TPCN1: variants seen among roughly 807,000 people sequenced by gnomAD.
TPCN1 encodes two pore segment channel 1.
Under a neutral mutation model 108.8 loss-of-function variants are expected in TPCN1, and 52 were observed. The observed-to-expected ratio is 0.48, with a 90% CI of 0.38 to 0.60. The LOEUF is 0.60. Among genes scored for constraint, TPCN1 ranks in the 20% least tolerant of loss-of-function variants. TPCN1 has a pLI of 0.00. For synonymous variants in TPCN1, 446 were observed against 433.7 expected (o/e 1.03, Z -0.35); for missense variants, 806 against 1,072.8 (o/e 0.75, Z 3.47).
intron 2 of TPCN1, chr12:113,246,105 T>G (rs1954372064): frequency 2.2e-6 from 1 of 446,982 alleles, no homozygotes. Flanking sequence ...CCGGGATGTC[T>G]CTCCTGCTTC....
At chr12:113,295,934 A>T (rs1956411223) in intron 27 of TPCN1, 26 bp from the exon 28 acceptor site, 1 of 1,557,572 alleles carries the variant, frequency 6.4e-7, no homozygotes, top group Admixed American at 1.9e-5. Context: ...TGCAGCCCTC[A>T]GCACCCCTTC....
chr12:113,223,148 G>C (rs1000251422), intron 1 of TPCN1, among the ~76,000 whole-genome samples: 3 of 151,490 alleles, frequency 2.0e-5, no homozygotes, highest in African/African-American at 7.3e-5. Context: ...GGAAACTTAA[G>C]AAAAAAAAAC....
At chr12:113,235,507 TA>T (rs35994827) in intron 2 of TPCN1, among the ~76,000 whole-genome samples, 6,497 of 142,798 alleles carry the variant, frequency 0.045, 357 homozygotes, top group African/African-American at 0.14. Context: ...AGTAGTGGTT[TA>T]AAAAAAAAAA....
At chr12:113,251,529 G>T (rs1193477529) in intron 2 of TPCN1, among the ~76,000 whole-genome samples, 2 of 152,238 alleles carry the variant, frequency 1.3e-5, no homozygotes, top group African/African-American at 4.8e-5. Flanking sequence ...CACCAGCCAT[G>T]TGTGGTCTGT....
Position 113,289,079 on chromosome 12 carries a change from C to G in TPCN1, c.1796+232C>G, listed in dbSNP as rs1437535791. Among the ~76,000 whole-genome samples, 4 of 152,246 alleles carry G rather than the reference C, an allele frequency of 2.6e-5. No homozygotes were observed. The highest frequency in any genetic ancestry group is 9.6e-5 in the African/African-American group (4 of 41,468). ...CAGGGTTGGGAGCTGTCAGCTCACC[C>G]TCTGCCGAGGGCTGGAGGCCACCCC... On this transcript the variant is annotated intron_variant, in intron 21 of 27. Transcript: ENST00000335509. The surrounding 1 kb of genome is among the most constrained non-coding windows in gnomAD (Gnocchi z 4.1).
intron 3 of TPCN1, among the ~76,000 whole-genome samples, chr12:113,265,662 T>G (rs1955231439): frequency 6.6e-6 from 1 of 150,916 alleles, no homozygotes; most frequent in Admixed American, 6.6e-5. Flanking sequence ...TTCTCCAACC[T>G]CAGCCTCCCA....
At position 113,291,940 on chromosome 12, in the gene TPCN1, A is replaced by G. The variant is rs766924300; in HGVS notation, c.2095A>G (p.Lys699Glu). ...AFVFRMNYSR[K>E]NQDSEVDGGI... is the part of the protein sequence containing the mutation. ...CGTCTTCCGAATGAACTACAGCCGC[A>G]AGAACCAGGACTCGGAAGGTCTGTG... Residue 699 changes from lysine (K) to glutamate (E), a missense_variant, in exon 25 of 28, where the codon AAG becomes GAG. Transcript: ENST00000335509. The G allele has an allele frequency of 6.2e-7, 1 of 1,613,316 alleles. No homozygotes were observed. Among genetic ancestry groups the G allele is most frequent in the Non-Finnish European group, 8.5e-7 (1 of 1,179,690 alleles).
chr12:113,239,908 G>C (rs1161493980), intron 2 of TPCN1, among the ~76,000 whole-genome samples: 2 of 152,060 alleles, frequency 1.3e-5, no homozygotes, highest in African/African-American at 4.8e-5. Flanking sequence ...ACCAGCTTGG[G>C]CAGAGCGACC....
chr12:113,237,456 A>G (rs1395393569), intron 2 of TPCN1, among the ~76,000 whole-genome samples: 1 of 151,990 alleles, frequency 6.6e-6, no homozygotes, highest in African/African-American at 2.4e-5. Flanking sequence ...TTCCGGGTTC[A>G]AGCAATTCTA....
chr12:113,272,374 A>G lies in TPCN1; in HGVS notation c.749-284A>G, dbSNP rs1199910694. On this transcript the variant is annotated intron_variant, in intron 7 of 27. Coordinates refer to ENST00000335509, the MANE Select transcript of TPCN1 (RefSeq NM_017901.6). The surrounding 1 kb of genome is among the most constrained non-coding windows in gnomAD (Gnocchi z 4.1). ...TTTGGTCTGAAAACTTTGAGCCAGCATTTTAAAATTAGATTTTACACAAAA... is the reference window on the plus strand; with the variant it reads ...TTTGGTCTGAAAACTTTGAGCCAGCGTTTTAAAATTAGATTTTACACAAAA... 6.6e-6 allele frequency among the ~76,000 whole-genome samples: 1 copy of G among 152,238 alleles called. No individual in the cohort carries two copies. The highest frequency in any genetic ancestry group is 1.5e-5 in the Non-Finnish European group (1 of 68,032).
intron 15 of TPCN1, among the ~76,000 whole-genome samples, chr12:113,282,104 T>G (rs1462745203): frequency 1.4e-5 from 2 of 144,792 alleles, no homozygotes; most frequent in East Asian, 4.1e-4. Context: ...TTTTTTTTTT[T>G]TTTTGAGACA....
intron 22 of TPCN1, 87 bp downstream of exon 22, chr12:113,290,330 C>A: frequency 2.1e-6 from 2 of 962,846 alleles, no homozygotes; most frequent in Non-Finnish European, 3.2e-6. Context: ...GGTGGTGTAG[C>A]AAGTGTCTGG....
rs1016633705 is a variant in TPCN1, at chr12:113,292,848, C to T, written c.2114-86C>T. The T allele has an allele frequency of 7.7e-5, 114 of 1,477,610 alleles. 1 individual carries two copies. The highest frequency in any genetic ancestry group is 3.9e-4 in the East Asian group (17 of 43,918). The allele number at this position is 1,477,610 out of a possible 1,614,324, so 91.5% of individuals were successfully genotyped here. A position where few individuals can be genotyped will look rare whatever the true frequency, so the allele number is the denominator to read the frequency against. ...AGAGAGAGAACCTTAAGACCCCCTGCGGAAGGGGGCAAGGAGGTACGAGAC... is the reference window on the plus strand; with the variant it reads ...AGAGAGAGAACCTTAAGACCCCCTGTGGAAGGGGGCAAGGAGGTACGAGAC... On this transcript the variant is annotated intron_variant, in intron 25 of 27. Coordinates refer to ENST00000335509, the MANE Select transcript of TPCN1 (RefSeq NM_017901.6).
Position 113,288,467 on chromosome 12 carries a change from C to T in TPCN1, c.1706+233C>T, listed in dbSNP as rs766740079. On this transcript the variant is annotated intron_variant, in intron 20 of 27. Transcript: ENST00000335509. This position sits in a 1 kb window ranked among gnomAD's most constrained non-coding sequence, Gnocchi z 4.8. ...TAGGGAGGGCAGGGAGCTGTCAACT[C>T]GCTTACCACCTGTGTCTACATTCAC... is the stretch of plus-strand genomic sequence containing the variant. 6.1e-5 allele frequency: 92 copies of T among 1,497,146 alleles called. 1 individual carries two copies. Among genetic ancestry groups the T allele is most frequent in the Admixed American group, 1.5e-4 (7 of 47,024 alleles). The allele number at this position is 1,497,146 out of a possible 1,614,324, so 92.7% of individuals were successfully genotyped here.
intron 3 of TPCN1, among the ~76,000 whole-genome samples, chr12:113,265,825 C>G (rs1955239359): frequency 6.6e-6 from 1 of 152,106 alleles, no homozygotes; most frequent in Admixed American, 6.5e-5. Flanking sequence ...GAGATGGTGT[C>G]TTGCTGTGTT....
intron 27 of TPCN1, among the ~76,000 whole-genome samples, chr12:113,294,823 T>A (rs1956375908): frequency 6.6e-6 from 1 of 152,106 alleles, no homozygotes; most frequent in Non-Finnish European, 1.5e-5. Flanking sequence ...TTGCCAGGGC[T>A]CCGGGGAGCC....
Position 113,298,311 on chromosome 12 carries a change from C to T in TPCN1, c.*2235C>T, listed in dbSNP as rs8202. ...TGGGATGTGATCTAGCTCAGATGCC[C>T]TCTCATCCTTGATGTCATAGTTGAG... is the stretch of plus-strand genomic sequence containing the variant. On this transcript the variant is annotated 3_prime_UTR_variant, in exon 28 of 28. Transcript: ENST00000335509. The T allele has an allele frequency of 0.2, 30,786 of 152,302 alleles. 3,923 individuals are homozygous for T. The highest frequency in any genetic ancestry group is 0.33 in the Middle Eastern group (99 of 296). 9.4% of individuals were successfully genotyped at this position (152,302 alleles called of 1,614,324 possible). A position where few individuals can be genotyped will look rare whatever the true frequency, so the allele number is the denominator to read the frequency against.
chr12:113,246,678 G>A (rs1214079098), intron 2 of TPCN1, among the ~76,000 whole-genome samples: 4 of 152,340 alleles, frequency 2.6e-5, no homozygotes, highest in Non-Finnish European at 5.9e-5. Flanking sequence ...TGACAGCCCC[G>A]TGGTGAGGTC....
At chr12:113,228,514 C>T (rs573820461) in intron 2 of TPCN1, among the ~76,000 whole-genome samples, 18 of 152,294 alleles carry the variant, frequency 1.2e-4, no homozygotes, top group African/African-American at 4.3e-4. Flanking sequence ...ACTCAGGAGG[C>T]TGAGGTGGGA....
Sources: allele counts gnomAD v4.1 joint callset (sites outside exome capture counted in the v4.1 genomes callset), GRCh38; gene constraint gnomAD v4.1.1; non-coding constraint Gnocchi (gnomAD v3.1); transcripts MANE v1.5; gene names NCBI Gene and HGNC (gene_info 2026-07-23, HGNC 2026-07-21).